The following TBXAS1 variants were observed in gnomAD, a reference collection of about 807,000 sequenced individuals.
The protein encoded by TBXAS1 is thromboxane A synthase 1.
Under a neutral mutation model 60.7 loss-of-function variants are expected in TBXAS1, and 48 were observed. The ratio of observed to expected loss-of-function variants is 0.79; its 90% confidence interval spans 0.63 to 1.01. TBXAS1 has a LOEUF of 1.01. Among genes scored for constraint, TBXAS1 ranks in the 50% least tolerant of loss-of-function variants. The pLI is 0.00. For synonymous variants in TBXAS1, 287 were observed against 269.7 expected (o/e 1.06, Z -0.63); for missense variants, 685 against 686.3 (o/e 1.00, Z 0.02).
chr7:139,986,915 G>A (rs757315107), intron 9 of TBXAS1, among the ~76,000 whole-genome samples: 1 of 151,750 alleles, frequency 6.6e-6, no homozygotes, highest in Non-Finnish European at 1.5e-5. Flanking sequence ...TAACCACTAT[G>A]CGATCTTGGC....
At chr7:140,017,968 C>G (rs367787880) in intron 12 of TBXAS1, 135 bp downstream of exon 12, 4 of 1,155,756 alleles carry the variant, frequency 3.5e-6, no homozygotes, top group Non-Finnish European at 3.7e-6. Flanking sequence ...TCCTTAACCT[C>G]TCTCGGCCTC....
chr7:139,801,523 T>G (rs1450525528), intron 4 of TBXAS1, among the ~76,000 whole-genome samples: 2 of 152,092 alleles, frequency 1.3e-5, no homozygotes, highest in African/African-American at 2.4e-5. Context: ...CAGGCTGGTG[T>G]GCAGTGGCAC....
intron 1 of TBXAS1, among the ~76,000 whole-genome samples, chr7:139,839,239 G>A (rs531326556): frequency 2.0e-5 from 3 of 152,306 alleles, no homozygotes; most frequent in African/African-American, 7.2e-5. Flanking sequence ...TCTTTAATGA[G>A]TGTGAATATT....
chr7:139,897,360 C>A, intron 3 of TBXAS1, among the ~76,000 whole-genome samples: 2 of 84,194 alleles, frequency 2.4e-5, no homozygotes, highest in Non-Finnish European at 4.8e-5. Flanking sequence ...CGGGGGCAGG[C>A]AGGCGGGGGG....
intron 4 of TBXAS1, among the ~76,000 whole-genome samples, chr7:139,933,457 T>A (rs1023238621): frequency 2.6e-5 from 4 of 152,284 alleles, no homozygotes; most frequent in African/African-American, 9.6e-5. Context: ...TAATATATGA[T>A]TTCCTCCTTC....
chr7:139,886,859 C>T (rs1191110712), intron 3 of TBXAS1, among the ~76,000 whole-genome samples: 2 of 152,158 alleles, frequency 1.3e-5, no homozygotes, highest in Non-Finnish European at 1.5e-5. Flanking sequence ...AGATTGTTAG[C>T]TGCTTCCCCC....
intron 3 of TBXAS1, among the ~76,000 whole-genome samples, chr7:139,881,594 G>A (rs930796603): frequency 6.6e-6 from 1 of 152,126 alleles, no homozygotes; most frequent in African/African-American, 2.4e-5. Flanking sequence ...TCACAAGCCA[G>A]GGCTGCACTG....
At chr7:140,005,734 A>G (rs959953148) in intron 9 of TBXAS1, among the ~76,000 whole-genome samples, 10 of 152,232 alleles carry the variant, frequency 6.6e-5, no homozygotes, top group African/African-American at 2.4e-4. Flanking sequence ...ATTAAACTAC[A>G]TATAATTTCT....
At chr7:139,987,005 G>A (rs61573753) in intron 9 of TBXAS1, among the ~76,000 whole-genome samples, 4 of 151,962 alleles carry the variant, frequency 2.6e-5, no homozygotes, top group Non-Finnish European at 5.9e-5. Flanking sequence ...AGCTAGAATC[G>A]GTATGATGTT....
chr7:139,981,904 T>C (rs576127489), intron 9 of TBXAS1, among the ~76,000 whole-genome samples: 1 of 152,332 alleles, frequency 6.6e-6, no homozygotes, highest in African/African-American at 2.4e-5. Context: ...TATATACAAT[T>C]TTTATTGGAG....
intron 4 of TBXAS1, among the ~76,000 whole-genome samples, chr7:139,923,196 G>A (rs1326089238): frequency 2.7e-5 from 4 of 150,332 alleles, no homozygotes; most frequent in Admixed American, 6.6e-5. Flanking sequence ...GCATGGTGGC[G>A]CATGCCTGTA....
At chr7:139,798,971 A>C (rs572088295) in intron 4 of TBXAS1, among the ~76,000 whole-genome samples, 1 of 152,142 alleles carries the variant, frequency 6.6e-6, no homozygotes, top group Admixed American at 6.5e-5. Context: ...CCTCACTCTG[A>C]AACATTCTCA....
At chr7:139,809,365 T>TAGATAGATAGAC (rs1301759140) in intron 4 of TBXAS1, among the ~76,000 whole-genome samples, 10 of 136,948 alleles carry the variant, frequency 7.3e-5, no homozygotes, top group Non-Finnish European at 1.3e-4. Flanking sequence ...GATAGATAGA[T>TAGATAGATAGAC]AGACAGACAG....
chr7:139,921,446 T>C (rs1460926375), intron 4 of TBXAS1, among the ~76,000 whole-genome samples: 3 of 152,180 alleles, frequency 2.0e-5, no homozygotes, highest in Non-Finnish European at 4.4e-5. Context: ...AGTCCTGTAA[T>C]TTTGCACTTT....
chr7:139,885,797 G>C (rs1430736437), intron 3 of TBXAS1, among the ~76,000 whole-genome samples: 3 of 152,134 alleles, frequency 2.0e-5, no homozygotes, highest in Non-Finnish European at 4.4e-5. Flanking sequence ...TTAAAAACCA[G>C]TTCTAAATCT....
chr7:139,895,281 A>C (rs1054691083), intron 3 of TBXAS1, among the ~76,000 whole-genome samples: 2 of 151,564 alleles, frequency 1.3e-5, no homozygotes, highest in Non-Finnish European at 2.9e-5. Flanking sequence ...AGTCATCATC[A>C]CACACTGGAA....
At chr7:139,972,675 G>A (rs959516429) in intron 9 of TBXAS1, among the ~76,000 whole-genome samples, 13 of 151,966 alleles carry the variant, frequency 8.6e-5, no homozygotes, top group Non-Finnish European at 1.0e-4. Context: ...AAACCTTTTC[G>A]TCACTAGGCT....
At chr7:139,983,803 A>G (rs1235927202) in intron 9 of TBXAS1, among the ~76,000 whole-genome samples, 1 of 152,114 alleles carries the variant, frequency 6.6e-6, no homozygotes, top group African/African-American at 2.4e-5. Context: ...TTGTGACTCT[A>G]CCACAGTTCA....
intron 1 of TBXAS1, among the ~76,000 whole-genome samples, chr7:139,832,122 G>A (rs373267740): frequency 7.6e-4 from 116 of 152,150 alleles, no homozygotes; most frequent in African/African-American, 2.4e-3. Context: ...TGAAGGAAGC[G>A]GATTGCTCCT....
Sources: gnomAD v4.1 joint callset for allele counts (sites outside exome capture counted in the v4.1 genomes callset) on GRCh38, gnomAD v4.1.1 for gene constraint, MANE v1.5 for transcripts, NCBI Gene and HGNC (gene_info 2026-07-23, HGNC 2026-07-21) for gene names.